The following SDC4 variants were observed in gnomAD, a reference collection of about 807,000 sequenced individuals.
SDC4 encodes the protein syndecan 4.
A neutral mutation model predicts 20.5 loss-of-function variants in SDC4; 17 were observed. The ratio of observed to expected loss-of-function variants is 0.83; its 90% CI spans 0.57 to 1.25. The LOEUF (loss-of-function observed/expected upper bound fraction) is 1.25, where lower values mean the gene tolerates loss of function less well. Among genes scored for constraint, SDC4 ranks in the 50% most tolerant of loss-of-function variants. SDC4 has a pLI of 0.00. For synonymous variants in SDC4, 107 were observed against 105.3 expected (o/e 1.02, Z -0.10); for missense variants, 241 against 252.3 (o/e 0.96, Z 0.30).
At chr20:45,344,474 T>A (rs959886728) in intron 1 of SDC4, among the ~76,000 whole-genome samples, 1 of 152,174 alleles carries the variant, frequency 6.6e-6, no homozygotes, top group Admixed American at 6.5e-5. Flanking sequence ...CTTACCCCAA[T>A]TTTAAGCATT....
intron 4 of SDC4, 64 bp from the exon 5 acceptor site, chr20:45,327,479 C>A: frequency 6.6e-7 from 1 of 1,515,928 alleles, no homozygotes; most frequent in East Asian, 2.3e-5. Context: ...AGGATGAACC[C>A]CTCTTTCCCC....
intron 4 of SDC4, among the ~76,000 whole-genome samples, chr20:45,329,325 G>T (rs6032116): frequency 0.042 from 6,364 of 152,310 alleles, 492 homozygotes; most frequent in African/African-American, 0.15. Context: ...TAAGAAGCAG[G>T]TGCTTAGATT....
At chr20:45,348,242 C>CT in intron 1 of SDC4, 83 bp downstream of exon 1, 6 of 1,217,122 alleles carry the variant, frequency 4.9e-6, no homozygotes, top group Non-Finnish European at 7.1e-6. Context: ...TCTGCCCCCC[C>CT]CCATCCCACG....
In SDC4 at chr20:45,325,851, A is replaced by G. The variant is rs1600726816; in HGVS notation, c.*1413T>C. ...GTGATTTTAATTGGCTTAACTTTAA[A>G]CAGCCGCATGTGGTTACTGTATTGG... On this transcript the variant is annotated 3_prime_UTR_variant, in exon 5 of 5. Transcript: ENST00000372733. The G allele has an allele frequency of 6.6e-6, 1 of 152,528 alleles. No homozygotes were observed. The highest frequency in any genetic ancestry group is 2.1e-4 in the South Asian group (1 of 4,824). 9.4% of individuals were successfully genotyped at this position (152,528 alleles called of 1,614,324 possible).
rs750999803 is a variant in SDC4, at chr20:45,335,828, G to A, written c.153C>T (p.Pro51=). ...GCTCAAAGTCATCAGATTCCTGCCCGGGCCCCACTACATCCTCATCGTCTG... is the reference window on the plus strand; with the variant it reads ...GCTCAAAGTCATCAGATTCCTGCCCAGGCCCCACTACATCCTCATCGTCTG... ...ALPDDEDVVG[P]GQESDDFELS... The change falls in exon 2 of 5, where the codon CCC becomes CCT. Residue 51 remains proline, a synonymous_variant. Transcript: ENST00000372733. 24 of 1,613,824 alleles carry A rather than the reference G, an allele frequency of 1.5e-5. No individual in the cohort carries two copies. The highest frequency in any genetic ancestry group is 1.6e-4 in the Middle Eastern group (1 of 6,078).
chr20:45,325,636 C>T lies in SDC4; in HGVS notation c.*1628G>A, dbSNP rs1381467646. ...TCAGCCCTCCCCCATTCCCCCCCCC[C>T]TACCCAGGGAGACAAGGGTCGTCCC... On this transcript the variant is annotated 3_prime_UTR_variant, in exon 5 of 5. Transcript: ENST00000372733. 1 of 151,516 alleles carries T rather than the reference C, an allele frequency of 6.6e-6. No homozygotes were observed. Among genetic ancestry groups the T allele is most frequent in the African/African-American group, 2.4e-5 (1 of 41,166 alleles). 9.4% of individuals were successfully genotyped at this position (151,516 alleles called of 1,614,324 possible).
intron 4 of SDC4, among the ~76,000 whole-genome samples, chr20:45,329,430 T>C (rs1405346835): frequency 6.6e-6 from 1 of 152,222 alleles, no homozygotes; most frequent in Non-Finnish European, 1.5e-5. Context: ...TGCAAATCTT[T>C]TTACTTCTGA....
intron 3 of SDC4, among the ~76,000 whole-genome samples, chr20:45,331,493 C>A (rs1446049113): frequency 6.6e-6 from 1 of 152,150 alleles, no homozygotes; most frequent in African/African-American, 2.4e-5. Context: ...CTGAGACCTG[C>A]TGGGCCGCAT....
intron 1 of SDC4, among the ~76,000 whole-genome samples, chr20:45,344,851 G>A (rs1357428272): frequency 1.3e-5 from 2 of 152,134 alleles, no homozygotes; most frequent in Non-Finnish European, 2.9e-5. Context: ...CCCAGAGACA[G>A]GGCATGTTTG....
At chr20:45,345,439 T>C (rs13651) in intron 1 of SDC4, 68,091 of 152,084 alleles carry the variant, frequency 0.45, 17,472 homozygotes, top group East Asian at 0.88. Context: ...CCCAACCTCA[T>C]GGAACCCTCC....
At chr20:45,344,986 G>T (rs763335832) in intron 1 of SDC4, 2 of 152,160 alleles carry the variant, frequency 1.3e-5, no homozygotes, top group Admixed American at 6.5e-5. Flanking sequence ...AGAAGGACCT[G>T]GTTCTGACCT....
At chr20:45,328,952 T>A (rs1310732615) in intron 4 of SDC4, among the ~76,000 whole-genome samples, 1 of 152,204 alleles carries the variant, frequency 6.6e-6, no homozygotes, top group African/African-American at 2.4e-5. Context: ...TGCGCTGGGA[T>A]GCCCCACAGG....
intron 1 of SDC4, among the ~76,000 whole-genome samples, chr20:45,347,912 C>A (rs1009365270): frequency 8.5e-5 from 13 of 152,112 alleles, no homozygotes; most frequent in African/African-American, 2.7e-4. Flanking sequence ...CGCAGCCCCC[C>A]GACCCCCAGG....
intron 2 of SDC4, among the ~76,000 whole-genome samples, chr20:45,334,285 C>G (rs534015819): frequency 6.6e-6 from 1 of 152,144 alleles, no homozygotes; most frequent in African/African-American, 2.4e-5. Context: ...GTGTAAGCCA[C>G]CGCGCCCGGC....
chr20:45,344,753 C>G (rs1988007208), intron 1 of SDC4, among the ~76,000 whole-genome samples: 1 of 152,186 alleles, frequency 6.6e-6, no homozygotes, highest in African/African-American at 2.4e-5. Context: ...CAAAGGGCCC[C>G]TCCCCTCATC....
intron 3 of SDC4, among the ~76,000 whole-genome samples, chr20:45,332,408 G>A (rs764509572): frequency 3.9e-5 from 6 of 152,048 alleles, no homozygotes; most frequent in East Asian, 3.9e-4. Context: ...TGATCTGCCC[G>A]TCTTAGCCTC....
At chr20:45,336,926 G>A (rs1273375949) in intron 1 of SDC4, among the ~76,000 whole-genome samples, 5 of 151,644 alleles carry the variant, frequency 3.3e-5, no homozygotes, top group African/African-American at 7.3e-5. Flanking sequence ...GCACCATGCA[G>A]ACACCGAGAG....
At position 45,327,172 on chromosome 20, in the gene SDC4, T is replaced by C; in HGVS notation, c.*92A>G. ...GCTGGAGATACTGACAAGTCAGTAT[T>C]AGGTTGACCTCACCCTACCCTAATG... On this transcript the variant is annotated 3_prime_UTR_variant, in exon 5 of 5. Transcript: ENST00000372733. The C allele has an allele frequency of 7.4e-7, 1 of 1,344,758 alleles. No homozygotes were observed. 83.3% of individuals were successfully genotyped at this position (1,344,758 alleles called of 1,614,324 possible).
At position 45,327,294 on chromosome 20, in the gene SDC4, C is replaced by G; in HGVS notation, c.567G>C (p.Lys189Asn). 1 of 1,614,224 alleles carries G rather than the reference C, an allele frequency of 6.2e-7. No individual in the cohort carries two copies. Among genetic ancestry groups the G allele is most frequent in the Admixed American group, 1.7e-5 (1 of 60,022 alleles). Residue 189 changes from lysine (K) to asparagine (N), a missense_variant, in exon 5 of 5, where the codon AAG (lysine) becomes AAC (asparagine). Transcript: ENST00000372733. The stretch of plus-strand genomic sequence containing the variant: ...CGTAGAACTCATTGGTGGGGGCTTT[C>G]TTGTAGATGGGTTTCTTGCCCAGGT... ...SYDLGKKPIY[K>N]KAPTNEFYA
Sources: allele counts gnomAD v4.1 joint callset (sites outside exome capture counted in the v4.1 genomes callset), GRCh38; gene constraint gnomAD v4.1.1; transcripts MANE v1.5; gene names NCBI Gene and HGNC (gene_info 2026-07-23, HGNC 2026-07-21).